Variants in LRRC9 observed in about 807,000 individuals in gnomAD.
LRRC9 encodes the protein leucine rich repeat containing 9.
In LRRC9, 122 loss-of-function variants were observed where a neutral mutation model predicts 63.2. The observed-to-expected ratio is 1.93, with a 90% confidence interval of 1.67 to 2.24. The LOEUF (loss-of-function observed/expected upper bound fraction) is 2.24, where lower values mean the gene tolerates loss of function less well. Ranked by LOEUF, LRRC9 falls within the 30% of genes most tolerant of loss-of-function variation. The pLI is 0.00. For synonymous variants in LRRC9, 366 were observed against 213.1 expected (o/e 1.72, Z -6.25); for missense variants, 1,071 against 627.7 (o/e 1.71, Z -7.55).
rs1482149264 is a variant in LRRC9, at chr14:60,003,178, G to A, written c.2665-443G>A. ...TGACCCACAGGCAGTTCTGGAGTTA[G>A]TGGAGTTAGAATGGCCCTTTAAATT... On this transcript the variant is annotated intron_variant, in intron 20 of 31. Coordinates refer to ENST00000445360, the Ensembl canonical transcript of LRRC9. This position sits in a 1 kb window ranked among gnomAD's most constrained non-coding sequence, Gnocchi z 4.2. Among the ~76,000 whole-genome samples the A allele has an allele frequency of 6.6e-6, 1 of 152,254 alleles. No individual in the cohort carries two copies. Among genetic ancestry groups the A allele is most frequent in the Non-Finnish European group, 1.5e-5 (1 of 68,042 alleles).
chr14:60,045,651 C>G (rs1331172441), intron 29 of LRRC9, among the ~76,000 whole-genome samples: 1 of 152,148 alleles, frequency 6.6e-6, no homozygotes, highest in Non-Finnish European at 1.5e-5. Context: ...AAATGTACCA[C>G]ATTTTCTTTA....
At chr14:60,033,792 T>C (rs1275135451) in intron 29 of LRRC9, among the ~76,000 whole-genome samples, 1 of 152,098 alleles carries the variant, frequency 6.6e-6, no homozygotes, top group Non-Finnish European at 1.5e-5. Flanking sequence ...CATTCCCTCT[T>C]TCTCCAATCT....
At chr14:60,024,448 A>G (rs1201506236) in intron 27 of LRRC9, among the ~76,000 whole-genome samples, 2 of 152,068 alleles carry the variant, frequency 1.3e-5, no homozygotes, top group Non-Finnish European at 2.9e-5. Context: ...TAGTCTAACA[A>G]TAATTTTTAA....
chr14:59,977,369 A>G, intron 14 of LRRC9, 22 bp downstream of exon 14: 1 of 661,338 alleles, frequency 1.5e-6, no homozygotes, highest in Non-Finnish European at 2.7e-6. Flanking sequence ...ATAAAGATTA[A>G]TGTGGTTTTA....
At chr14:60,057,701 C>T (rs1257228060) in intron 30 of LRRC9, 177 bp from the exon 31 acceptor site, 2 of 399,580 alleles carry the variant, frequency 5.0e-6, no homozygotes, top group Admixed American at 7.9e-5. Flanking sequence ...GTTAACTCCC[C>T]AAAAAGCTCT....
intron 16 of LRRC9, among the ~76,000 whole-genome samples, chr14:59,982,719 T>C (rs140872325): frequency 9.9e-4 from 151 of 152,348 alleles, no homozygotes; most frequent in African/African-American, 3.5e-3. Context: ...GGAACCAGTA[T>C]GAATATTCAT....
At chr14:60,018,437 T>C (rs760906486) in exon 25 of LRRC9, 8 of 700,340 alleles carry the variant, frequency 1.1e-5, no homozygotes, top group Non-Finnish European at 2.1e-5. Context: ...AGAACAATCA[T>C]CTTACCTCAT....
In LRRC9 at chr14:59,932,406, A is replaced by C. The variant is rs1179559800; in HGVS notation, c.543+367A>C. Among the ~76,000 whole-genome samples the C allele has an allele frequency of 6.6e-6, 1 of 152,062 alleles. No homozygotes were observed. The highest frequency in any genetic ancestry group is 1.5e-5 in the Non-Finnish European group (1 of 67,986). On this transcript the variant is annotated intron_variant, in intron 6 of 31. Coordinates refer to ENST00000445360, the Ensembl canonical transcript of LRRC9. This position sits in a 1 kb window ranked among gnomAD's most constrained non-coding sequence, Gnocchi z 4.7. Reference sequence around the variant, plus strand: ...CTGCATTCATTCTCTAAATAATCTCATCATGCCTTAAGACTTTAAATACCG... The same window carrying C: ...CTGCATTCATTCTCTAAATAATCTCCTCATGCCTTAAGACTTTAAATACCG...
rs979231091 is a variant in LRRC9 at position 59,997,009 on chromosome 14, A to C, written c.2212-647A>C. 3.3e-5 allele frequency among the ~76,000 whole-genome samples: 5 copies of C among 152,302 alleles called. No homozygotes were observed. The South Asian group carries it at 6.2e-4, about 19-fold the overall frequency. The stretch of plus-strand genomic sequence containing the variant: ...TCTTTAAGAAGATCTAATAATGTGA[A>C]AAAATGTTAAAAGGATACAAAATTA... On this transcript the variant is annotated intron_variant, in intron 17 of 31. Coordinates refer to ENST00000445360, the Ensembl canonical transcript of LRRC9.
At chr14:59,971,993 G>A (rs1023120513) in intron 12 of LRRC9, among the ~76,000 whole-genome samples, 3 of 152,116 alleles carry the variant, frequency 2.0e-5, no homozygotes, top group Non-Finnish European at 4.4e-5. Context: ...CGCATTACAT[G>A]TAATGATGAT....
intron 30 of LRRC9, chr14:60,057,639 G>C (rs936189953): frequency 1.2e-5 from 3 of 242,434 alleles, no homozygotes; most frequent in Non-Finnish European, 2.3e-5. Flanking sequence ...TCTAGTGATG[G>C]TACAATGCAG....
chr14:59,990,546 C>T lies in LRRC9; in HGVS notation c.2211+5322C>T, dbSNP rs1437522707. 6.6e-6 allele frequency among the ~76,000 whole-genome samples: 1 copy of T among 151,870 alleles called. No individual in the cohort carries two copies. Among genetic ancestry groups the T allele is most frequent in the East Asian group, 1.9e-4 (1 of 5,158 alleles). ...TCAGCCTCCTGGGTAGCTGGAACTA[C>T]AGGTGCATGCCACCACACCCTGCTA... On this transcript the variant is annotated intron_variant, in intron 17 of 31. Transcript: ENST00000445360. The surrounding 1 kb of genome is among the most constrained non-coding windows in gnomAD (Gnocchi z 4.2).
At chr14:59,947,399 G>A (rs1045180283) in intron 8 of LRRC9, among the ~76,000 whole-genome samples, 1 of 121,828 alleles carries the variant, frequency 8.2e-6, no homozygotes, top group Non-Finnish European at 1.7e-5. Flanking sequence ...TGTAGATTCT[G>A]GATATTAGCC....
exon 24 of LRRC9, chr14:60,016,774 A>G (rs983123770): frequency 1.3e-5 from 9 of 696,060 alleles, no homozygotes; most frequent in Non-Finnish European, 2.4e-5. Flanking sequence ...ACTAAATTGG[A>G]CTTCATCATC....
At chr14:59,949,388 T>G (rs535943445) in intron 8 of LRRC9, among the ~76,000 whole-genome samples, 174 of 150,776 alleles carry the variant, frequency 1.2e-3, no homozygotes, top group African/African-American at 3.9e-3. Context: ...GTCTATTTGA[T>G]TCTTCTCTCT....
intron 16 of LRRC9, among the ~76,000 whole-genome samples, chr14:59,983,251 A>G (rs562625984): frequency 6.6e-6 from 1 of 152,280 alleles, no homozygotes; most frequent in East Asian, 1.9e-4. Context: ...ACTGAATAGA[A>G]CTCAATACAA....
intron 12 of LRRC9, among the ~76,000 whole-genome samples, chr14:59,970,116 A>G (rs879659399): frequency 1.1e-5 from 1 of 94,392 alleles, no homozygotes; most frequent in African/African-American, 4.1e-5. Flanking sequence ...CCTTCTTCCC[A>G]CCCCCTCCCT....
At chr14:60,001,559 TA>T (rs2140207644) in intron 19 of LRRC9, among the ~76,000 whole-genome samples, 1 of 152,190 alleles carries the variant, frequency 6.6e-6, no homozygotes, top group Non-Finnish European at 1.5e-5. Context: ...CATAGGACTA[TA>T]AAGAAAGCAA....
In LRRC9 at chr14:60,032,064, G is replaced by T. The variant is rs1892034103; in HGVS notation, c.3990+1G>T. The T allele has an allele frequency of 2.9e-6, 2 of 696,768 alleles. No homozygotes were observed. Among genetic ancestry groups the T allele is most frequent in the Non-Finnish European group, 5.2e-6 (2 of 381,952 alleles). 43.2% of individuals were successfully genotyped at this position (696,768 alleles called of 1,614,324 possible). A position where few individuals can be genotyped will look rare whatever the true frequency, so the allele number is the denominator to read the frequency against. On this transcript the variant is annotated splice_donor_variant, in intron 29 of 31. Coordinates refer to ENST00000445360, the Ensembl canonical transcript of LRRC9. LOFTEE classifies it high-confidence loss of function. ...GGAGCTTACAGTGTATGGCAATCCA[G>T]TGAGTATGTTACCATTCTAATTTAT... is the stretch of plus-strand genomic sequence containing the variant.
Sources: gnomAD v4.1 joint callset for allele counts (sites outside exome capture counted in the v4.1 genomes callset) on GRCh38, gnomAD v4.1.1 for gene constraint, Gnocchi (gnomAD v3.1) non-coding constraint, MANE v1.5 for transcripts, NCBI Gene and HGNC (gene_info 2026-07-23, HGNC 2026-07-21) for gene names.